The following SMAD9 variants were observed in gnomAD, a reference collection of about 807,000 sequenced individuals.
The protein encoded by SMAD9 is MAD homolog 9.
SMAD9 carries 36 observed loss-of-function variants against 46.1 expected under a neutral mutation model. The ratio of observed to expected loss-of-function variants is 0.78; its 90% CI spans 0.60 to 1.03. The LOEUF (loss-of-function observed/expected upper bound fraction) is 1.03, where lower values mean the gene tolerates loss of function less well. Among genes scored for constraint, SMAD9 ranks in the 50% least tolerant of loss-of-function variants. The pLI, the probability that SMAD9 is intolerant of heterozygous loss-of-function variation, is 0.00. For synonymous variants in SMAD9, 245 were observed against 237.1 expected (o/e 1.03, Z -0.31); for missense variants, 572 against 599.8 (o/e 0.95, Z 0.48).
chr13:36,861,782 A>G (rs2058184705), intron 5 of SMAD9, among the ~76,000 whole-genome samples: 1 of 151,738 alleles, frequency 6.6e-6, no homozygotes, highest in African/African-American at 2.4e-5. Context: ...TACAAAAATT[A>G]GCTGGGTGTG....
intron 1 of SMAD9, among the ~76,000 whole-genome samples, chr13:36,900,002 AC>A (rs1285630694): frequency 1.3e-5 from 2 of 152,132 alleles, no homozygotes; most frequent in Admixed American, 1.3e-4. Flanking sequence ...AAGGTCCTAC[AC>A]CACTACTTCT....
rs2058467120 is a variant in SMAD9 at position 36,888,669 on chromosome 13, G to T, written c.-186-8794C>A. On this transcript the variant is annotated intron_variant, in intron 1 of 6. Transcript: ENST00000379826. The stretch of plus-strand genomic sequence containing the variant: ...ATCATACACTGATCATGTTATGATG[G>T]AAGTAGGCGGTGCTCTCAAGTGGGA... 5.3e-5 allele frequency among the ~76,000 whole-genome samples: 8 copies of T among 152,242 alleles called. No homozygotes were observed. In the South Asian group the frequency reaches 1.7e-3, roughly 32 times the overall value.
At chr13:36,901,376 G>T (rs1247973785) in intron 1 of SMAD9, among the ~76,000 whole-genome samples, 3 of 151,192 alleles carry the variant, frequency 2.0e-5, no homozygotes, top group Non-Finnish European at 2.9e-5. Context: ...TAGCATCTTA[G>T]TAGATATGTA....
chr13:36,863,406 T>A (rs1179638745), intron 5 of SMAD9, among the ~76,000 whole-genome samples: 2 of 152,228 alleles, frequency 1.3e-5, no homozygotes, highest in Non-Finnish European at 2.9e-5. Flanking sequence ...GGGAGCACTA[T>A]TAGGTGCTCC....
chr13:36,881,862 C>A (rs892119460), intron 1 of SMAD9, among the ~76,000 whole-genome samples: 2 of 152,138 alleles, frequency 1.3e-5, no homozygotes, highest in African/African-American at 4.8e-5. Context: ...ACCTGAACCC[C>A]AAAAGAGTTG....
chr13:36,890,324 T>C (rs2058479532), intron 1 of SMAD9, among the ~76,000 whole-genome samples: 1 of 152,238 alleles, frequency 6.6e-6, no homozygotes, highest in Admixed American at 6.5e-5. Context: ...AATATCACTG[T>C]TAAGCAAACT....
intron 1 of SMAD9, among the ~76,000 whole-genome samples, chr13:36,907,943 G>A (rs963400845): frequency 6.6e-6 from 1 of 152,074 alleles, no homozygotes; most frequent in African/African-American, 2.4e-5. Flanking sequence ...CTTCACACTC[G>A]CCCAGGCCCA....
intron 1 of SMAD9, among the ~76,000 whole-genome samples, chr13:36,886,280 GC>G (rs1292537381): frequency 1.3e-5 from 2 of 152,222 alleles, no homozygotes; most frequent in Non-Finnish European, 2.9e-5. Context: ...TGGGAGGAAA[GC>G]CACATGGGTG....
At chr13:36,907,147 G>A (rs9531994) in intron 1 of SMAD9, among the ~76,000 whole-genome samples, 69,850 of 151,976 alleles carry the variant, frequency 0.46, 16,232 homozygotes, top group African/African-American at 0.51. Context: ...AAGGACAAAT[G>A]ATGCATGATT....
At chr13:36,867,066 C>A (rs1212756160) in intron 4 of SMAD9, among the ~76,000 whole-genome samples, 1 of 152,096 alleles carries the variant, frequency 6.6e-6, no homozygotes, top group Non-Finnish European at 1.5e-5. Context: ...TTAACTTGTT[C>A]TAGTAATGAT....
rs1261843640 is a variant in SMAD9 at position 36,903,124 on chromosome 13, TG to T, written c.-187+16991del. Among the ~76,000 whole-genome samples the T allele has an allele frequency of 2.3e-3, 320 of 141,654 alleles. 2 individuals carry two copies. Among genetic ancestry groups the T allele is most frequent in the African/African-American group, 7.7e-3 (294 of 38,164 alleles). The allele number at this position is 141,654 out of a possible 152,430, so 92.9% of individuals were successfully genotyped here. A position where few individuals can be genotyped will look rare whatever the true frequency, so the allele number is the denominator to read the frequency against. ...AGGGGCTCTTTCTTTTTTTTTCTTTTGGTTTTTTTTTTTTTTTTTTGAGACA... is the reference window on the plus strand; with the variant it reads ...AGGGGCTCTTTCTTTTTTTTTCTTTTGTTTTTTTTTTTTTTTTTTGAGACA... On this transcript the variant is annotated intron_variant, in intron 1 of 6. Coordinates refer to ENST00000379826, the MANE Select transcript of SMAD9 (RefSeq NM_001127217.3).
chr13:36,909,948 A>G (rs922471428), intron 1 of SMAD9, among the ~76,000 whole-genome samples: 2 of 152,224 alleles, frequency 1.3e-5, no homozygotes, highest in African/African-American at 4.8e-5. Context: ...CTGTAATCCC[A>G]GCATTTTGGG....
chr13:36,868,690 G>A (rs746599797), intron 3 of SMAD9, among the ~76,000 whole-genome samples: 1 of 152,002 alleles, frequency 6.6e-6, no homozygotes, highest in Non-Finnish European at 1.5e-5. Flanking sequence ...CTATGACTGT[G>A]CCCCCATACT....
At chr13:36,864,859 C>G (rs564548960) in intron 5 of SMAD9, among the ~76,000 whole-genome samples, 1 of 152,316 alleles carries the variant, frequency 6.6e-6, no homozygotes, top group South Asian at 2.1e-4. Flanking sequence ...AGGTTCTTCA[C>G]ATCTATGACT....
chr13:36,859,244 T>C (rs2058156282), intron 5 of SMAD9, among the ~76,000 whole-genome samples: 1 of 152,100 alleles, frequency 6.6e-6, no homozygotes, highest in African/African-American at 2.4e-5. Flanking sequence ...AAGGACTATT[T>C]TGAGACAGGG....
intron 6 of SMAD9, among the ~76,000 whole-genome samples, chr13:36,853,050 G>C (rs1321387765): frequency 6.6e-6 from 1 of 152,120 alleles, no homozygotes; most frequent in African/African-American, 2.4e-5. Context: ...ACTTTGGGAG[G>C]CCAAGATGGG....
chr13:36,906,323 G>A (rs760746739), intron 1 of SMAD9, among the ~76,000 whole-genome samples: 55 of 152,036 alleles, frequency 3.6e-4, no homozygotes, highest in Admixed American at 1.0e-3. Flanking sequence ...TTATATGACC[G>A]TATGTTATGG....
intron 5 of SMAD9, among the ~76,000 whole-genome samples, chr13:36,861,966 C>T (rs1002845030): frequency 2.0e-5 from 3 of 151,964 alleles, no homozygotes; most frequent in East Asian, 1.9e-4. Context: ...TGCCCATCAC[C>T]GTCTAATTAA....
intron 5 of SMAD9, among the ~76,000 whole-genome samples, chr13:36,857,948 T>C (rs1373948483): frequency 1.3e-5 from 2 of 152,214 alleles, no homozygotes; most frequent in African/African-American, 2.4e-5. Flanking sequence ...TAAGAAAATA[T>C]ATATATTTCT....
Sources: gnomAD v4.1 joint callset for allele counts (sites outside exome capture counted in the v4.1 genomes callset) on GRCh38, gnomAD v4.1.1 for gene constraint, MANE v1.5 for transcripts, NCBI Gene and HGNC (gene_info 2026-07-23, HGNC 2026-07-21) for gene names.